The following KIAA1217 variants were observed in gnomAD, a reference collection of about 807,000 sequenced individuals.
The protein encoded by KIAA1217 is sickle tail protein homolog.
Under a neutral mutation model 163.9 loss-of-function variants are expected in KIAA1217, and 88 were observed. The observed-to-expected ratio is 0.54, with a 90% CI of 0.45 to 0.64. The LOEUF is 0.64. KIAA1217 is among the 30% of genes least tolerant of loss of function. KIAA1217 has a pLI of 0.00. For synonymous variants in KIAA1217, 903 were observed against 923.1 expected (o/e 0.98, Z 0.39); for missense variants, 2,372 against 2,475.0 (o/e 0.96, Z 0.88).
At chr10:23,873,158 A>T (rs1840539686) in intron 1 of KIAA1217, among the ~76,000 whole-genome samples, 1 of 152,104 alleles carries the variant, frequency 6.6e-6, no homozygotes, top group African/African-American at 2.4e-5. Context: ...ATAATCTGGG[A>T]TCATTAAACC....
At chr10:24,358,669 CAGTGGCCA>C in intron 2 of KIAA1217, among the ~76,000 whole-genome samples, 1 of 152,212 alleles carries the variant, frequency 6.6e-6, no homozygotes, top group African/African-American at 2.4e-5. Context: ...CCAGTCAGGA[CAGTGGCCA>C]TACACAGTGG....
At chr10:24,186,609 G>A (rs1241156339) in intron 2 of KIAA1217, among the ~76,000 whole-genome samples, 1 of 152,086 alleles carries the variant, frequency 6.6e-6, no homozygotes, top group African/African-American at 2.4e-5. Flanking sequence ...TTTTTAATCT[G>A]GCCAGGCACA....
chr10:24,097,230 A>C (rs1237071785), intron 2 of KIAA1217, among the ~76,000 whole-genome samples: 1 of 152,188 alleles, frequency 6.6e-6, no homozygotes, highest in Admixed American at 6.5e-5. Context: ...GTTGTACTTC[A>C]AAGGAATAAG....
At chr10:24,311,640 G>T (rs2042709390) in intron 2 of KIAA1217, among the ~76,000 whole-genome samples, 1 of 152,170 alleles carries the variant, frequency 6.6e-6, no homozygotes, top group Non-Finnish European at 1.5e-5. Flanking sequence ...TTCCAACCCT[G>T]AGGACTGCTC....
At chr10:24,219,181 A>G (rs1227566381) in intron 1 of KIAA1217, among the ~76,000 whole-genome samples, 1 of 152,118 alleles carries the variant, frequency 6.6e-6, no homozygotes, top group Non-Finnish European at 1.5e-5. Flanking sequence ...TGGCACGATC[A>G]TAGCTCACTG....
intron 1 of KIAA1217, among the ~76,000 whole-genome samples, chr10:23,868,212 C>T (rs1008109293): frequency 6.6e-6 from 1 of 152,062 alleles, no homozygotes; most frequent in African/African-American, 2.4e-5. Context: ...TTTACCCCTT[C>T]TCAACCCACA....
At chr10:23,993,449 C>G (rs1846311560) in intron 1 of KIAA1217, among the ~76,000 whole-genome samples, 1 of 151,710 alleles carries the variant, frequency 6.6e-6, no homozygotes, top group African/African-American at 2.4e-5. Context: ...TCATCCTAAT[C>G]AGGAATAGTC....
At chr10:24,400,721 A>T (rs1192538870) in intron 3 of KIAA1217, among the ~76,000 whole-genome samples, 1 of 152,130 alleles carries the variant, frequency 6.6e-6, no homozygotes, top group Non-Finnish European at 1.5e-5. Context: ...GAAATAGTCA[A>T]CCAGAATATA....
At chr10:24,186,759 G>A (rs185395391) in intron 2 of KIAA1217, among the ~76,000 whole-genome samples, 22 of 152,236 alleles carry the variant, frequency 1.4e-4, no homozygotes, top group Admixed American at 1.4e-3. Context: ...GCATGGTGGT[G>A]AGTGCCTGTA....
chr10:24,423,314 T>C (rs1246928577), intron 3 of KIAA1217, among the ~76,000 whole-genome samples: 1 of 151,354 alleles, frequency 6.6e-6, no homozygotes, highest in Non-Finnish European at 1.5e-5. Context: ...AGTCAGAGAC[T>C]CAGTTTGTCG....
chr10:24,419,172 CAAAAAAA>C (rs71397949), intron 3 of KIAA1217, among the ~76,000 whole-genome samples: 5 of 82,606 alleles, frequency 6.1e-5, no homozygotes, highest in Non-Finnish European at 9.6e-5. Context: ...GACTCGTCTC[CAAAAAAA>C]AAAAAAAAAA....
intron 17 of KIAA1217, among the ~76,000 whole-genome samples, chr10:24,539,082 T>C (rs2074590211): frequency 1.3e-5 from 2 of 152,130 alleles, no homozygotes; most frequent in South Asian, 4.2e-4. Context: ...GAGGGCTTAT[T>C]AAAACTAACT....
intron 1 of KIAA1217, among the ~76,000 whole-genome samples, chr10:23,987,418 TAAA>T (rs200311407): frequency 7.0e-6 from 1 of 142,852 alleles, no homozygotes; most frequent in African/African-American, 2.5e-5. Flanking sequence ...TTTGTTTTTT[TAAA>T]AAAAAACCCA....
intron 2 of KIAA1217, among the ~76,000 whole-genome samples, chr10:24,148,441 A>G (rs2064442076): frequency 6.6e-6 from 1 of 152,100 alleles, no homozygotes; most frequent in South Asian, 2.1e-4. Flanking sequence ...TGTAATCCCC[A>G]GGGTTGGAGG....
chr10:23,985,574 C>T (rs1473668536), intron 1 of KIAA1217, among the ~76,000 whole-genome samples: 1 of 152,192 alleles, frequency 6.6e-6, no homozygotes, highest in Admixed American at 6.5e-5. Context: ...CAGTTGATCT[C>T]ATCATCAACG....
chr10:23,966,443 T>G lies in KIAA1217; in HGVS notation c.-320-40782T>G, dbSNP rs554747406. ...GGGTCCACATACCAACCCACCAGGG[T>G]GGGCTGCCGCCAGTATGACACACGT... On this transcript the variant is annotated intron_variant, in intron 1 of 18. Coordinates refer to the KIAA1217 transcript ENST00000376462. 3.9e-5 allele frequency among the ~76,000 whole-genome samples: 6 copies of G among 152,194 alleles called. No individual in the cohort carries two copies. The East Asian group carries it at 9.7e-4, about 25-fold the overall frequency.
At chr10:23,856,654 G>T (rs1353278307) in intron 1 of KIAA1217, among the ~76,000 whole-genome samples, 2 of 152,254 alleles carry the variant, frequency 1.3e-5, no homozygotes, top group Non-Finnish European at 2.9e-5. Flanking sequence ...GAGCTGTGGT[G>T]GGCACCACCC....
chr10:24,166,323 C>A (rs1288056211), intron 2 of KIAA1217, among the ~76,000 whole-genome samples: 1 of 152,068 alleles, frequency 6.6e-6, no homozygotes, highest in Non-Finnish European at 1.5e-5. Context: ...CACTGAAATT[C>A]ATGTTAAGAA....
At chr10:24,308,184 T>C (rs1033243254) in intron 2 of KIAA1217, among the ~76,000 whole-genome samples, 20 of 152,220 alleles carry the variant, frequency 1.3e-4, no homozygotes, top group Admixed American at 1.2e-3. Context: ...CAGCTCCTCT[T>C]TCCCATCATT....
Sources: gnomAD v4.1 joint callset for allele counts (sites outside exome capture counted in the v4.1 genomes callset) on GRCh38, gnomAD v4.1.1 for gene constraint, MANE v1.5 for transcripts, NCBI Gene and HGNC (gene_info 2026-07-23, HGNC 2026-07-21) for gene names.